SPINK5: variants seen among roughly 807,000 people sequenced by gnomAD.
SPINK5 encodes the protein serine protease inhibitor Kazal-type 5.
Under a neutral mutation model 151.8 loss-of-function variants are expected in SPINK5, and 125 were observed. The observed-to-expected ratio is 0.82, with a 90% CI of 0.71 to 0.96. SPINK5 has a LOEUF of 0.96. Among genes scored for constraint, SPINK5 ranks in the 40% least tolerant of loss-of-function variants. The pLI is 0.00. For synonymous variants in SPINK5, 374 were observed against 395.3 expected (o/e 0.95, Z 0.64); for missense variants, 1,194 against 1,291.9 (o/e 0.92, Z 1.16).
Position 148,123,433 on chromosome 5 carries a change from TTATC to T in SPINK5, c.2539-388_2539-385del, listed in dbSNP as rs1238903014. On this transcript the variant is annotated intron_variant, in intron 26 of 32. Coordinates refer to ENST00000256084, the MANE Select transcript of SPINK5 (RefSeq NM_006846.4). Reference sequence around the variant, plus strand: ...AATATATTATATATATAGATATATATTATCTATCTATCTATATATATAATCTTGT... The same window carrying T: ...AATATATTATATATATAGATATATATTATCTATCTATATATATAATCTTGT... Among the ~76,000 whole-genome samples the T allele has an allele frequency of 8.1e-3, 767 of 94,794 alleles. 13 individuals carry two copies. Among genetic ancestry groups the T allele is most frequent in the African/African-American group, 0.027 (711 of 26,678 alleles). 62.2% of individuals were successfully genotyped at this position (94,794 alleles called of 152,430 possible).
chr5:148,067,364 A>G (rs570444380), intron 2 of SPINK5, among the ~76,000 whole-genome samples: 5 of 152,316 alleles, frequency 3.3e-5, no homozygotes, highest in African/African-American at 1.2e-4. Flanking sequence ...CAGTAACAAA[A>G]CAAAACAAAA....
chr5:148,064,225 C>A, intron 1 of SPINK5, 126 bp downstream of exon 1: 3 of 966,868 alleles, frequency 3.1e-6, no homozygotes, highest in Middle Eastern at 2.0e-4. Flanking sequence ...AAATGTCTTG[C>A]CAGACACAGA....
intron 4 of SPINK5, among the ~76,000 whole-genome samples, chr5:148,083,166 T>G (rs1413718333): frequency 6.6e-6 from 1 of 151,536 alleles, no homozygotes; most frequent in African/African-American, 2.4e-5. Flanking sequence ...CTTGTCATTT[T>G]TTACTTCATA....
In SPINK5 at chr5:148,125,758, C is replaced by A; in HGVS notation, c.2775C>A (p.Asn925Lys). Residue 925 changes from asparagine (N) to lysine (K), a missense_variant, in exon 29 of 33, where the codon AAC becomes AAA. Asn to Lys is a moderately conservative substitution (Grantham distance 94). Coordinates refer to ENST00000256084, the MANE Select transcript of SPINK5 (RefSeq NM_006846.4). ...GTGAATTTCGAAACTATATAAGGAACAATGAACTCATCTGCCCTAGAGAGA... is the reference window on the plus strand; with the variant it reads ...GTGAATTTCGAAACTATATAAGGAAAAATGAACTCATCTGCCCTAGAGAGA... ...ECSEFRNYIR[N>K]NELICPREND... 1 of 1,614,154 alleles carries A rather than the reference C, an allele frequency of 6.2e-7. No individual in the cohort carries two copies. Among genetic ancestry groups the A allele is most frequent in the Non-Finnish European group, 8.5e-7 (1 of 1,180,020 alleles).
intron 2 of SPINK5, 112 bp downstream of exon 2, chr5:148,065,484 T>A (rs568514583): frequency 1.7e-6 from 2 of 1,173,146 alleles, no homozygotes; most frequent in African/African-American, 1.5e-5. Flanking sequence ...TGGTAGGTAC[T>A]AATAGCTTTT....
chr5:148,081,432 C>T (rs1031278094), intron 4 of SPINK5, among the ~76,000 whole-genome samples: 3 of 151,584 alleles, frequency 2.0e-5, no homozygotes, highest in Non-Finnish European at 3.0e-5. Flanking sequence ...TATTATTCAA[C>T]AATTAGAAGG....
intron 4 of SPINK5, among the ~76,000 whole-genome samples, chr5:148,083,535 C>T (rs1753076869): frequency 6.6e-6 from 1 of 151,344 alleles, no homozygotes; most frequent in Non-Finnish European, 1.5e-5. Flanking sequence ...CTTATTATGA[C>T]TATCCCTAAA....
chr5:148,087,276 T>C (rs1436343661), intron 5 of SPINK5, among the ~76,000 whole-genome samples: 1 of 151,838 alleles, frequency 6.6e-6, no homozygotes, highest in Non-Finnish European at 1.5e-5. Context: ...TTATCAATTG[T>C]CTTCACCAAC....
chr5:148,084,264 T>C (rs1753095688), intron 4 of SPINK5, among the ~76,000 whole-genome samples: 1 of 151,946 alleles, frequency 6.6e-6, no homozygotes, highest in African/African-American at 2.4e-5. Flanking sequence ...CTTCAGTCTG[T>C]AGCCCTTCTG....
At chr5:148,072,824 G>A (rs1453545527) in intron 4 of SPINK5, among the ~76,000 whole-genome samples, 3 of 149,434 alleles carry the variant, frequency 2.0e-5, no homozygotes, top group Non-Finnish European at 4.4e-5. Flanking sequence ...TTTGCAGACA[G>A]GGACTCAGGC....
intron 9 of SPINK5, among the ~76,000 whole-genome samples, chr5:148,095,375 A>G (rs1753427610): frequency 1.3e-5 from 2 of 152,020 alleles, no homozygotes; most frequent in African/African-American, 4.8e-5. Flanking sequence ...AAATGAATGA[A>G]TGAAGATATG....
chr5:148,107,756 C>G (rs1329923676), intron 17 of SPINK5, among the ~76,000 whole-genome samples: 2 of 152,106 alleles, frequency 1.3e-5, no homozygotes, highest in African/African-American at 4.8e-5. Flanking sequence ...AGGTTCATGG[C>G]CTTCTAAGGT....
rs1220091187 is a variant in SPINK5 at position 148,136,345 on chromosome 5, T to A, written c.3187-638T>A. On this transcript the variant is annotated intron_variant, in intron 32 of 32. Coordinates refer to ENST00000256084, the MANE Select transcript of SPINK5 (RefSeq NM_006846.4). ...TGCTACTTTCAAACCAAAGAAAACC[T>A]CCTGGAGTTGATATAGGCAATGAAG... 2.0e-5 allele frequency among the ~76,000 whole-genome samples: 3 copies of A among 152,234 alleles called. No individual in the cohort carries two copies. In the East Asian group the frequency reaches 5.8e-4, roughly 29 times the overall value.
chr5:148,130,898 G>A (rs1754554452), intron 30 of SPINK5, among the ~76,000 whole-genome samples: 1 of 152,080 alleles, frequency 6.6e-6, no homozygotes, highest in Admixed American at 6.6e-5. Context: ...TTTCTAGGCT[G>A]TATATAACCA....
intron 4 of SPINK5, among the ~76,000 whole-genome samples, chr5:148,084,098 T>C (rs1010706525): frequency 9.9e-5 from 15 of 152,036 alleles, no homozygotes; most frequent in African/African-American, 3.6e-4. Context: ...AAAATATTTT[T>C]CTACCCATTC....
chr5:148,122,638 C>T (rs1581104512), intron 26 of SPINK5, among the ~76,000 whole-genome samples: 2 of 152,060 alleles, frequency 1.3e-5, no homozygotes, highest in East Asian at 3.9e-4. Flanking sequence ...ATATACTTAT[C>T]CACACATAGG....
rs747030114 is a variant in SPINK5 at position 148,126,963 on chromosome 5, T to C, written c.2868-20T>C. The C allele has an allele frequency of 6.4e-7, 1 of 1,572,142 alleles. No individual in the cohort carries two copies. The highest frequency in any genetic ancestry group is 1.1e-5 in the South Asian group (1 of 87,026). On this transcript the variant is annotated intron_variant, in intron 29 of 32. Transcript: ENST00000256084. ...AGGAACTGTTTCTTATTTTAAATTA[T>C]TTTTTATTTTCTTCTCTAGTCTAAC... is the stretch of plus-strand genomic sequence containing the variant.
chr5:148,065,557 AC>A, intron 2 of SPINK5, 185 bp downstream of exon 2: 2 of 600,008 alleles, frequency 3.3e-6, no homozygotes, highest in East Asian at 5.7e-5. Flanking sequence ...ACACACACAC[AC>A]ACACACACAC....
At chr5:148,096,980 A>T in intron 10 of SPINK5, among the ~76,000 whole-genome samples, 1 of 151,366 alleles carries the variant, frequency 6.6e-6, no homozygotes, top group Admixed American at 6.6e-5. Context: ...AAGTCCTTTT[A>T]ATTTTGATAT....
Sources: allele counts gnomAD v4.1 joint callset (sites outside exome capture counted in the v4.1 genomes callset), GRCh38; gene constraint gnomAD v4.1.1; transcripts MANE v1.5; gene names NCBI Gene and HGNC (gene_info 2026-07-23, HGNC 2026-07-21).